STXBP5L: variants seen among roughly 807,000 people sequenced by gnomAD.
STXBP5L encodes syntaxin-binding protein 5-like.
STXBP5L carries 65 observed loss-of-function variants against 144.5 expected under a neutral mutation model. That is an observed-to-expected ratio of 0.45 (90% CI 0.37 to 0.55). The LOEUF (loss-of-function observed/expected upper bound fraction) is 0.55. Ranked by LOEUF, STXBP5L falls within the 20% of genes least tolerant of loss-of-function variation. The pLI is 0.00. For missense variants in STXBP5L, 1,298 were observed against 1,405.5 expected (o/e 0.92, Z 1.22); for synonymous variants, 505 against 469.6 (o/e 1.08, Z -0.97).
At chr3:121,041,889 C>T in intron 4 of STXBP5L, 108 bp downstream of exon 4, 1 of 689,950 alleles carries the variant, frequency 1.4e-6, no homozygotes, top group South Asian at 1.8e-5. Context: ...AATATATATG[C>T]ATGCAATATT....
intron 5 of STXBP5L, among the ~76,000 whole-genome samples, chr3:121,081,234 G>T (rs1361761718): frequency 6.6e-6 from 1 of 151,718 alleles, no homozygotes; most frequent in Non-Finnish European, 1.5e-5. Flanking sequence ...TATCTCTCTG[G>T]AAAATTTTTT....
chr3:121,054,237 C>A (rs1010127534), intron 5 of STXBP5L, among the ~76,000 whole-genome samples: 3 of 152,144 alleles, frequency 2.0e-5, no homozygotes, highest in African/African-American at 7.2e-5. Flanking sequence ...CATCCCATTA[C>A]TGGGTATATA....
intron 5 of STXBP5L, among the ~76,000 whole-genome samples, chr3:121,087,364 T>C (rs2107714858): frequency 6.6e-6 from 1 of 152,218 alleles, no homozygotes; most frequent in Admixed American, 6.5e-5. Flanking sequence ...GCAGCCTGTT[T>C]GGTGCATTCA....
chr3:121,123,790 A>C (rs2044581656), intron 7 of STXBP5L, among the ~76,000 whole-genome samples: 1 of 151,850 alleles, frequency 6.6e-6, no homozygotes, highest in Non-Finnish European at 1.5e-5. Context: ...ATTTATTAGC[A>C]TATAATCTTG....
At chr3:121,057,508 G>T (rs147871329) in intron 5 of STXBP5L, among the ~76,000 whole-genome samples, 6 of 151,650 alleles carry the variant, frequency 4.0e-5, no homozygotes, top group African/African-American at 1.5e-4. Flanking sequence ...TTACCCCCAG[G>T]TATCCTAATT....
chr3:121,083,184 C>A (rs532211319), intron 5 of STXBP5L, among the ~76,000 whole-genome samples: 24 of 151,888 alleles, frequency 1.6e-4, no homozygotes, highest in African/African-American at 5.8e-4. Flanking sequence ...GGCAACAGAG[C>A]AAGACTCTGT....
rs1016179810 is a variant in STXBP5L, at chr3:121,324,892, C to T, written c.2176+6352C>T. On this transcript the variant is annotated intron_variant, in intron 20 of 26. Coordinates refer to ENST00000471454, the MANE Select transcript of STXBP5L (RefSeq NM_001308330.2). ...GGTCTCTAAGAAAGTAAGGGGGTCGCGGGTACGGTCAATAGAGAATTCAGT... is the reference window on the plus strand; with the variant it reads ...GGTCTCTAAGAAAGTAAGGGGGTCGTGGGTACGGTCAATAGAGAATTCAGT... Among the ~76,000 whole-genome samples, 9 of 151,986 alleles carry T rather than the reference C, an allele frequency of 5.9e-5. No individual in the cohort carries two copies. The South Asian group carries it at 6.2e-4, about 11-fold the overall frequency.
intron 1 of STXBP5L, 121 bp downstream of exon 1, chr3:120,908,455 G>C (rs1708644922): frequency 6.4e-6 from 1 of 156,232 alleles, no homozygotes; most frequent in African/African-American, 2.4e-5. Flanking sequence ...GTTTGAGAGA[G>C]AGAGAGACAG....
intron 3 of STXBP5L, among the ~76,000 whole-genome samples, chr3:121,020,227 A>C (rs999367515): frequency 1.3e-5 from 2 of 152,146 alleles, no homozygotes; most frequent in African/African-American, 4.8e-5. Flanking sequence ...AACAAAGACA[A>C]AGAAAAAAGA....
chr3:121,141,125 C>T (rs564792602), intron 7 of STXBP5L, among the ~76,000 whole-genome samples: 10 of 152,256 alleles, frequency 6.6e-5, no homozygotes, highest in African/African-American at 2.4e-4. Context: ...GAAACTTAGG[C>T]CAGACATGGT....
intron 10 of STXBP5L, among the ~76,000 whole-genome samples, chr3:121,214,987 TG>T (rs935766190): frequency 5.3e-5 from 8 of 152,152 alleles, no homozygotes; most frequent in Non-Finnish European, 1.0e-4. Flanking sequence ...TTTTGATCTT[TG>T]TTTAAGACTG....
intron 3 of STXBP5L, among the ~76,000 whole-genome samples, chr3:120,963,853 G>A (rs80333213): frequency 6.6e-6 from 1 of 152,156 alleles, no homozygotes; most frequent in South Asian, 2.1e-4. Flanking sequence ...AATGATACCA[G>A]CTCCTCTTAG....
chr3:121,061,485 G>T (rs1170862435), intron 5 of STXBP5L, among the ~76,000 whole-genome samples: 1 of 152,152 alleles, frequency 6.6e-6, no homozygotes, highest in Non-Finnish European at 1.5e-5. Context: ...ATGTCTATTA[G>T]GTCCACTTGG....
At chr3:121,373,861 C>T (rs1005659484) in intron 20 of STXBP5L, among the ~76,000 whole-genome samples, 1 of 152,136 alleles carries the variant, frequency 6.6e-6, no homozygotes, top group African/African-American at 2.4e-5. Flanking sequence ...CACTCAGGCA[C>T]CAGAGGACCC....
At position 121,167,006 on chromosome 3, in the gene STXBP5L, G is replaced by T. The variant is rs199799184; in HGVS notation, c.877+9379G>T. ...AACTGTTCAGAAAAAAAACGAAGGA[G>T]CCTAAAAATATGCCAGACTAGAATT... On this transcript the variant is annotated intron_variant, in intron 9 of 26. Transcript: ENST00000471454. Among the ~76,000 whole-genome samples the T allele has an allele frequency of 3.2e-4, 48 of 152,046 alleles. No individual in the cohort carries two copies. In the East Asian group the frequency reaches 6.4e-3, roughly 20 times the overall value.
intron 2 of STXBP5L, among the ~76,000 whole-genome samples, chr3:120,948,405 C>G (rs1034720404): frequency 1.3e-5 from 2 of 151,478 alleles, no homozygotes; most frequent in Non-Finnish European, 3.0e-5. Flanking sequence ...GTGGATTATC[C>G]TTTCCCATTT....
intron 19 of STXBP5L, among the ~76,000 whole-genome samples, chr3:121,285,895 A>G (rs760376273): frequency 6.6e-6 from 1 of 152,120 alleles, no homozygotes; most frequent in African/African-American, 2.4e-5. Flanking sequence ...TATAATTATT[A>G]TAAAAGATGA....
chr3:121,026,366 C>T (rs185334467), intron 3 of STXBP5L, among the ~76,000 whole-genome samples: 5 of 152,132 alleles, frequency 3.3e-5, no homozygotes, highest in Admixed American at 1.3e-4. Context: ...CCTTAAGAGA[C>T]AACCACAAAA....
intron 2 of STXBP5L, among the ~76,000 whole-genome samples, chr3:120,945,889 A>G (rs1052240500): frequency 1.3e-5 from 2 of 151,852 alleles, no homozygotes; most frequent in Non-Finnish European, 2.9e-5. Flanking sequence ...TTTATCTCAG[A>G]CATGCAAGCA....
Sources: gnomAD v4.1 joint callset for allele counts (sites outside exome capture counted in the v4.1 genomes callset) on GRCh38, gnomAD v4.1.1 for gene constraint, MANE v1.5 for transcripts, NCBI Gene and HGNC (gene_info 2026-07-23, HGNC 2026-07-21) for gene names.